ANKRD17: variants seen among roughly 807,000 people sequenced by gnomAD.
ANKRD17 encodes ankyrin repeat domain 17.
ANKRD17 carries 19 observed loss-of-function variants against 229.7 expected under a neutral mutation model. The ratio of observed to expected loss-of-function variants is 0.08; its 90% CI spans 0.06 to 0.12. The LOEUF is 0.12. Ranked by LOEUF, ANKRD17 falls within the 10% of genes least tolerant of loss-of-function variation. ANKRD17 has a pLI of 1.00. For synonymous variants in ANKRD17, 1,112 were observed against 1,146.1 expected (o/e 0.97, Z 0.60); for missense variants, 2,176 against 3,176.8 (o/e 0.68, Z 7.57).
chr4:73,134,305 T>C (rs1728616364), intron 16 of ANKRD17, among the ~76,000 whole-genome samples: 2 of 152,148 alleles, frequency 1.3e-5, no homozygotes, highest in Admixed American at 6.6e-5. Context: ...GAAATAATCA[T>C]ATATAAAATT....
chr4:73,087,069 C>T (rs534056431), intron 29 of ANKRD17, among the ~76,000 whole-genome samples: 82 of 148,562 alleles, frequency 5.5e-4, no homozygotes, highest in Non-Finnish European at 9.5e-4. Flanking sequence ...ACTAACCACA[C>T]GGCCATGCTT....
chr4:73,213,488 A>G (rs1740597131), intron 1 of ANKRD17, among the ~76,000 whole-genome samples: 1 of 152,170 alleles, frequency 6.6e-6, no homozygotes, highest in South Asian at 2.1e-4. Context: ...GAACACCAAA[A>G]ACACTTTTAA....
At chr4:73,161,408 C>T (rs1258551716) in intron 2 of ANKRD17, 60 bp from the exon 3 acceptor site, 1 of 1,560,546 alleles carries the variant, frequency 6.4e-7, no homozygotes, top group Admixed American at 1.7e-5. Flanking sequence ...AAGCAAAATT[C>T]AAGTTACTTA....
intron 1 of ANKRD17, among the ~76,000 whole-genome samples, chr4:73,206,200 A>T (rs904864762): frequency 6.6e-6 from 1 of 152,170 alleles, no homozygotes; most frequent in Admixed American, 6.5e-5. Context: ...TTGAAAACAG[A>T]ACTACCATAT....
At chr4:73,097,705 CTAT>C (rs1560512255) in intron 26 of ANKRD17, among the ~76,000 whole-genome samples, 1 of 152,154 alleles carries the variant, frequency 6.6e-6, no homozygotes, top group Non-Finnish European at 1.5e-5. Flanking sequence ...TCCCAAAGAG[CTAT>C]TATTATAAGC....
At chr4:73,224,085 G>A (rs1475969542) in intron 1 of ANKRD17, among the ~76,000 whole-genome samples, 1 of 152,022 alleles carries the variant, frequency 6.6e-6, no homozygotes, top group African/African-American at 2.4e-5. Flanking sequence ...GTGAAACCCC[G>A]TCTCTACTAA....
intron 1 of ANKRD17, chr4:73,222,924 T>C (rs1267940347): frequency 2.9e-6 from 4 of 1,384,164 alleles, no homozygotes; most frequent in Non-Finnish European, 4.0e-6. Flanking sequence ...GCAGATAAGA[T>C]TTCTTTGTTC....
Position 73,219,671 on chromosome 4 carries a change from T to C in ANKRD17, c.393+38605A>G, listed in dbSNP as rs190564132. On this transcript the variant is annotated intron_variant, in intron 1 of 33. Coordinates refer to ENST00000358602, the MANE Select transcript of ANKRD17 (RefSeq NM_032217.5). ...AACCCACTGTCCATAGACAGAACCATAGAGAGTTGGCACTTTTATTTTATA... is the reference window on the plus strand; with the variant it reads ...AACCCACTGTCCATAGACAGAACCACAGAGAGTTGGCACTTTTATTTTATA... 7.2e-5 allele frequency among the ~76,000 whole-genome samples: 11 copies of C among 152,264 alleles called. No homozygotes were observed. The East Asian group carries it at 1.7e-3, about 24-fold the overall frequency.
intron 2 of ANKRD17, among the ~76,000 whole-genome samples, chr4:73,165,931 T>C (rs1733171322): frequency 6.6e-6 from 1 of 152,152 alleles, no homozygotes; most frequent in Non-Finnish European, 1.5e-5. Context: ...TGGAAGTAAA[T>C]GTTCACCCAC....
At position 73,090,839 on chromosome 4, in the gene ANKRD17, A is replaced by T; in HGVS notation, c.6789T>A (p.Thr2263=). ...PFSTLFENSP[T]SAHAFWGGSV... The stretch of plus-strand genomic sequence containing the variant: ...ATCCTCCCCAGAAGGCATGAGCAGA[A>T]GTAGGGCTGTTTTCAAACAATGTGC... The change falls in exon 29 of 34, where the codon ACT becomes ACA. Residue 2263 remains threonine, a synonymous_variant. Coordinates refer to ENST00000358602, the MANE Select transcript of ANKRD17 (RefSeq NM_032217.5). 6.2e-7 allele frequency: 1 copy of T among 1,614,242 alleles called. No individual in the cohort carries two copies. Among genetic ancestry groups the T allele is most frequent in the Non-Finnish European group, 8.5e-7 (1 of 1,180,052 alleles).
chr4:73,095,984 T>C (rs1723256729), intron 27 of ANKRD17, among the ~76,000 whole-genome samples: 1 of 152,054 alleles, frequency 6.6e-6, no homozygotes, highest in African/African-American at 2.4e-5. Context: ...GCCACAGGTG[T>C]CAGGCCCGAA....
In ANKRD17 at chr4:73,102,404, A is replaced by C; in HGVS notation, c.4545T>G (p.Ala1515=). Residue 1515 remains alanine (A), a synonymous_variant, in exon 25 of 34, where the codon GCT becomes GCG. Transcript: ENST00000358602. The part of the protein sequence containing the change: ...KNKENFELQA[A]QEKEKLKVED... ...CAACTTTAAGCTTTTCTTTTTCTTG[A>C]GCAGCTTGGAGTTCAAAGTTCTCTT... 1.3e-6 allele frequency: 2 copies of C among 1,590,456 alleles called. No homozygotes were observed. Among genetic ancestry groups the C allele is most frequent in the Non-Finnish European group, 1.7e-6 (2 of 1,174,616 alleles).
At chr4:73,222,645 T>C (rs1461584348) in intron 1 of ANKRD17, among the ~76,000 whole-genome samples, 1 of 152,240 alleles carries the variant, frequency 6.6e-6, no homozygotes, top group South Asian at 2.1e-4. Flanking sequence ...AAAGCTGCTT[T>C]GCAGACCCCA....
At chr4:73,172,541 C>T (rs757326010) in intron 2 of ANKRD17, among the ~76,000 whole-genome samples, 5 of 152,132 alleles carry the variant, frequency 3.3e-5, no homozygotes, top group Admixed American at 6.5e-5. Flanking sequence ...GGTGTGTTAA[C>T]GCTTACCTTA....
At chr4:73,123,757 T>G (rs974115566) in intron 18 of ANKRD17, among the ~76,000 whole-genome samples, 1 of 151,898 alleles carries the variant, frequency 6.6e-6, no homozygotes. Flanking sequence ...TCTAGTGGGT[T>G]TAACTAACTA....
At chr4:73,231,626 TA>T (rs1186156260) in intron 1 of ANKRD17, among the ~76,000 whole-genome samples, 3 of 152,238 alleles carry the variant, frequency 2.0e-5, no homozygotes, top group African/African-American at 4.8e-5. Flanking sequence ...TACACTCCTA[TA>T]ATCCTTAGAA....
At chr4:73,200,453 T>C (rs554813291) in intron 1 of ANKRD17, among the ~76,000 whole-genome samples, 4 of 152,162 alleles carry the variant, frequency 2.6e-5, no homozygotes, top group Admixed American at 1.3e-4. Flanking sequence ...ACAACAAAAC[T>C]AAGCCTGGGC....
At chr4:73,178,144 T>C (rs965317513) in intron 1 of ANKRD17, among the ~76,000 whole-genome samples, 2 of 152,212 alleles carry the variant, frequency 1.3e-5, no homozygotes, top group South Asian at 2.1e-4. Context: ...ACAAGTATTG[T>C]TGTTTTCCTT....
chr4:73,076,920 C>T lies in ANKRD17; in HGVS notation c.7752+20G>A. The T allele has an allele frequency of 6.3e-7, 1 of 1,597,350 alleles. No homozygotes were observed. The highest frequency in any genetic ancestry group is 8.5e-7 in the Non-Finnish European group (1 of 1,173,018). On this transcript the variant is annotated intron_variant, in intron 33 of 33. Coordinates refer to ENST00000358602, the MANE Select transcript of ANKRD17 (RefSeq NM_032217.5). ...CTTAAACACAAAACAACTGTTTATTCACTGAATGATCAGCCTCACCGTTTG... is the reference window on the plus strand; with the variant it reads ...CTTAAACACAAAACAACTGTTTATTTACTGAATGATCAGCCTCACCGTTTG...
Sources: allele counts gnomAD v4.1 joint callset (sites outside exome capture counted in the v4.1 genomes callset), GRCh38; gene constraint gnomAD v4.1.1; transcripts MANE v1.5; gene names NCBI Gene and HGNC (gene_info 2026-07-23, HGNC 2026-07-21).